SLC17A2: variants seen among roughly 807,000 people sequenced by gnomAD.
SLC17A2 encodes sodium-dependent phosphate transport protein 3.
In SLC17A2, 38 loss-of-function variants were observed where a neutral mutation model predicts 52.1. The ratio of observed to expected loss-of-function variants is 0.73; its 90% CI spans 0.56 to 0.96. The LOEUF is 0.96. Among genes scored for constraint, SLC17A2 ranks in the 40% least tolerant of loss-of-function variants. The probability of loss-of-function intolerance (pLI) is 0.00; values close to 1 mark genes in which losing one functional copy is unlikely to be tolerated. For synonymous variants in SLC17A2, 226 were observed against 211.9 expected (o/e 1.07, Z -0.58); for missense variants, 508 against 583.9 (o/e 0.87, Z 1.34).
chr6:25,913,312 T>C lies in SLC17A2; in HGVS notation c.*5A>G, dbSNP rs767147847. On this transcript the variant is annotated 3_prime_UTR_variant, in exon 12 of 12. Coordinates refer to ENST00000377850, the MANE Select transcript of SLC17A2 (RefSeq NM_001286123.3). ...TACCACATTTAAGTTTGTAACTTTA[T>C]GTCCTCAGAGGCGGGTAAGGGTCCT... The C allele has an allele frequency of 1.2e-6, 2 of 1,614,156 alleles. No homozygotes were observed. Among genetic ancestry groups the C allele is most frequent in the Non-Finnish European group, 1.7e-6 (2 of 1,179,970 alleles).
In SLC17A2 at chr6:25,914,625, G is replaced by T. The variant is rs34525648; in HGVS notation, c.1257C>A (p.Ile419=). 6.2e-7 allele frequency: 1 copy of T among 1,611,736 alleles called. No homozygotes were observed. The highest frequency in any genetic ancestry group is 1.3e-5 in the African/African-American group (1 of 74,774). ...LMGISRGFGL[I]AGIISSTATG... is the part of the protein sequence containing the mutation. ...TGGCAGTGGAAGAGATGATTCCTGC[G>T]ATGAGCCCAAATCCCCTTGAGATTC... Residue 419 remains isoleucine (I), a synonymous_variant, in exon 11 of 12, where the codon ATC becomes ATA. Coordinates refer to ENST00000377850, the MANE Select transcript of SLC17A2 (RefSeq NM_001286123.3).
chr6:25,925,405 C>T (rs1766723408), intron 2 of SLC17A2, among the ~76,000 whole-genome samples: 3 of 150,428 alleles, frequency 2.0e-5, no homozygotes, highest in South Asian at 2.1e-4. Context: ...CCAAGCTACT[C>T]GGGAGGCTGA....
chr6:25,915,044 C>G (rs1766248715), intron 10 of SLC17A2, among the ~76,000 whole-genome samples: 2 of 151,028 alleles, frequency 1.3e-5, no homozygotes, highest in African/African-American at 4.9e-5. Context: ...TCAGCCTTCT[C>G]CCTTATAAAA....
intron 11 of SLC17A2, 166 bp downstream of exon 11, chr6:25,914,414 G>T: frequency 1.7e-6 from 1 of 603,278 alleles, no homozygotes; most frequent in East Asian, 2.8e-5. Flanking sequence ...GAGAAAATAA[G>T]CTTATATTTT....
chr6:25,926,967 G>A (rs1421746100), intron 1 of SLC17A2, among the ~76,000 whole-genome samples: 1 of 152,230 alleles, frequency 6.6e-6, no homozygotes, highest in African/African-American at 2.4e-5. Flanking sequence ...TAAGGAGGCT[G>A]AGGCAGGATA....
chr6:25,915,518 T>C lies in SLC17A2; in HGVS notation c.1192A>G (p.Thr398Ala). ...NLCDSGFIIN[T>A]LDIAPRYASF... The stretch of plus-strand genomic sequence containing the variant: ...TCTTACCTGGGGGCGATATCTAAGG[T>C]GTTGATGATAAACCCTGAGTCACAT... The change falls in exon 10 of 12, where the codon ACC becomes GCC. Residue 398 changes from threonine to alanine, a missense_variant. Physicochemically the swap from Thr to Ala is moderately conservative, Grantham distance 58. Transcript: ENST00000377850. The C allele has an allele frequency of 6.4e-7, 1 of 1,555,250 alleles. No individual in the cohort carries two copies. Among genetic ancestry groups the C allele is most frequent in the Non-Finnish European group, 8.7e-7 (1 of 1,149,698 alleles).
chr6:25,919,314 C>T (rs1389776942), intron 5 of SLC17A2, among the ~76,000 whole-genome samples: 5 of 151,648 alleles, frequency 3.3e-5, no homozygotes, highest in African/African-American at 1.2e-4. Flanking sequence ...TAATGGGTCC[C>T]AAACTGAAAT....
chr6:25,919,609 A>C (rs973055261), intron 5 of SLC17A2, among the ~76,000 whole-genome samples: 4 of 148,404 alleles, frequency 2.7e-5, no homozygotes, highest in Non-Finnish European at 3.0e-5. Context: ...CTGAGGCAGG[A>C]AAATGGCGTG....
intron 3 of SLC17A2, among the ~76,000 whole-genome samples, chr6:25,923,253 T>G (rs1281151404): frequency 6.6e-6 from 1 of 152,156 alleles, no homozygotes; most frequent in Non-Finnish European, 1.5e-5. Flanking sequence ...GGAGAAAAGT[T>G]TTAACTGATT....
At chr6:25,918,452 A>G (rs898216132) in intron 6 of SLC17A2, 35 bp downstream of exon 6, 8 of 1,432,800 alleles carry the variant, frequency 5.6e-6, no homozygotes, top group Non-Finnish European at 7.9e-6. Flanking sequence ...TGCTCAGGAA[A>G]TGGAGGCGTT....
In SLC17A2 at chr6:25,914,630, G is replaced by C. The variant is rs575929831; in HGVS notation, c.1252C>G (p.Leu418Val). The change falls in exon 11 of 12, where the codon CTC becomes GTC. Residue 418 changes from leucine to valine, a missense_variant. Leu to Val is a conservative substitution (Grantham distance 32). Coordinates refer to ENST00000377850, the MANE Select transcript of SLC17A2 (RefSeq NM_001286123.3). ...GTGGAAGAGATGATTCCTGCGATGA[G>C]CCCAAATCCCCTTGAGATTCCCATG... ...FLMGISRGFG[L>V]IAGIISSTAT... 6 of 1,613,000 alleles carry C rather than the reference G, an allele frequency of 3.7e-6. No homozygotes were observed. In the African/African-American group the frequency reaches 8.0e-5, roughly 21 times the overall value.
At chr6:25,915,472 A>AG (rs748780317) in intron 10 of SLC17A2, 27 bp downstream of exon 10, 454 of 1,541,172 alleles carry the variant, frequency 2.9e-4, no homozygotes, top group Non-Finnish European at 3.7e-4. Flanking sequence ...GGTCTGGAGG[A>AG]GGGGAAAAAA....
intron 1 of SLC17A2, among the ~76,000 whole-genome samples, chr6:25,927,178 A>G (rs1051330341): frequency 2.0e-4 from 31 of 152,218 alleles, no homozygotes; most frequent in African/African-American, 7.2e-4. Flanking sequence ...AAAGATATTC[A>G]TAATCTGTGA....
chr6:25,916,773 C>A lies in SLC17A2; in HGVS notation c.842G>T (p.Gly281Val), dbSNP rs769904384. 12 of 1,614,042 alleles carry A rather than the reference C, an allele frequency of 7.4e-6. No individual in the cohort carries two copies. Among genetic ancestry groups the A allele is most frequent in the South Asian group, 3.3e-5 (3 of 91,066 alleles). Residue 281 changes from glycine (G) to valine (V), a missense_variant, in exon 8 of 12, where the codon GGT (glycine) becomes GTT (valine). By Grantham distance (109) the Gly-to-Val change is moderately radical. Coordinates refer to ENST00000377850, the MANE Select transcript of SLC17A2 (RefSeq NM_001286123.3). ...GCACAACCAGAAATGGCTGAAAAAACCCAGGAAAATGGCCCAAAGTGGTAG... is the reference window on the plus strand; with the variant it reads ...GCACAACCAGAAATGGCTGAAAAAAACCAGGAAAATGGCCCAAAGTGGTAG... ...TCLPLWAIFL[G>V]FFSHFWLCTI...
rs370179106 is a variant in SLC17A2 at position 25,923,832 on chromosome 6, G to A, written c.103C>T (p.Arg35Cys). The change falls in exon 3 of 12, where the codon CGT (arginine) becomes TGT (cysteine). Residue 35 changes from arginine to cysteine, a missense_variant. Coordinates refer to ENST00000377850, the MANE Select transcript of SLC17A2 (RefSeq NM_001286123.3). ...ATGATCGCAATGCTCAGACTCACAC[G>A]CTGCGTTATCATGGTGAAGTTTGAG... ...HFSNFTMITQ[R>C]VSLSIAIIAM... 11 of 1,614,054 alleles carry A rather than the reference G, an allele frequency of 6.8e-6. No homozygotes were observed. Among genetic ancestry groups the A allele is most frequent in the African/African-American group, 2.7e-5 (2 of 74,914 alleles).
rs17586553 is a variant in SLC17A2 at position 25,928,547 on chromosome 6, G to C, written c.-84+1730C>G. On this transcript the variant is annotated intron_variant, in intron 1 of 11. Coordinates refer to ENST00000377850, the MANE Select transcript of SLC17A2 (RefSeq NM_001286123.3). ...CTACTTAAGTTTTATGGTTTCAAATGCTACTTTGATTTTGTATCAATAGGT... is the reference window on the plus strand; with the variant it reads ...CTACTTAAGTTTTATGGTTTCAAATCCTACTTTGATTTTGTATCAATAGGT... Among the ~76,000 whole-genome samples the C allele has an allele frequency of 1.9e-4, 29 of 152,146 alleles. No individual in the cohort carries two copies. In the South Asian group the frequency reaches 5.6e-3, roughly 29 times the overall value.
intron 3 of SLC17A2, 29 bp downstream of exon 3, chr6:25,923,666 C>A (rs1766641420): frequency 6.4e-7 from 1 of 1,572,424 alleles, no homozygotes; most frequent in Non-Finnish European, 8.7e-7. Context: ...TTTCTCTCAA[C>A]AAAGAGCCCT....
intron 3 of SLC17A2, among the ~76,000 whole-genome samples, chr6:25,923,159 C>T (rs1204860084): frequency 6.6e-6 from 1 of 152,102 alleles, no homozygotes; most frequent in African/African-American, 2.4e-5. Context: ...TGCACTCCAG[C>T]CTGAATGACA....
At chr6:25,924,287 A>G (rs921946108) in intron 2 of SLC17A2, among the ~76,000 whole-genome samples, 12 of 152,354 alleles carry the variant, frequency 7.9e-5, no homozygotes, top group Admixed American at 3.3e-4. Flanking sequence ...CTGTAAGTGA[A>G]TAGTCCCATC....
Sources: gnomAD v4.1 joint callset for allele counts (sites outside exome capture counted in the v4.1 genomes callset) on GRCh38, gnomAD v4.1.1 for gene constraint, MANE v1.5 for transcripts, NCBI Gene and HGNC (gene_info 2026-07-23, HGNC 2026-07-21) for gene names.